The following GUCY1A2 variants were observed in gnomAD, a reference collection of about 807,000 sequenced individuals.
GUCY1A2 encodes the protein guanylate cyclase 1 soluble subunit alpha 2, also known as guanylate cyclase soluble subunit alpha-2.
GUCY1A2 carries 27 observed loss-of-function variants against 63.5 expected under a neutral mutation model. That is an observed-to-expected ratio of 0.43 (90% CI 0.31 to 0.59). The LOEUF is 0.59. Among genes scored for constraint, GUCY1A2 ranks in the 20% least tolerant of loss-of-function variants. The pLI is 0.11. For missense variants in GUCY1A2, 768 were observed against 913.3 expected (o/e 0.84, Z 2.05); for synonymous variants, 364 against 343.5 (o/e 1.06, Z -0.66).
At chr11:106,939,359 T>C in intron 4 of GUCY1A2, 101 bp downstream of exon 4, 1 of 691,708 alleles carries the variant, frequency 1.4e-6, no homozygotes, top group East Asian at 2.5e-5. Context: ...CACTTTAAGC[T>C]CTCTTGCCTA....
rs1335277987 is a variant in GUCY1A2 at position 106,939,561 on chromosome 11, G to A, written c.1105C>T (p.Pro369Ser). 6.2e-7 allele frequency: 1 copy of A among 1,613,692 alleles called. No individual in the cohort carries two copies. Among genetic ancestry groups the A allele is most frequent in the Admixed American group, 1.7e-5 (1 of 60,018 alleles). ...KFEDCFEIVS[P>S]KVNATFERVL... ...CTTTCAAAGGTGGCATTAACCTTTGGAGATACAATCTCGAAGCAGTCCTCA... is the reference window on the plus strand; with the variant it reads ...CTTTCAAAGGTGGCATTAACCTTTGAAGATACAATCTCGAAGCAGTCCTCA... Residue 369 changes from proline to serine, a missense_variant, in exon 4 of 8, where the codon CCA becomes TCA. Physicochemically the swap from Pro to Ser is moderately conservative, Grantham distance 74. Around this residue, in one of 3 missense-constraint regions of GUCY1A2, gnomAD observed 496 missense variants for 486.9 expected, o/e 1.02. Transcript: ENST00000526355.
At chr11:106,866,479 G>A (rs548647231) in intron 4 of GUCY1A2, among the ~76,000 whole-genome samples, 1 of 152,204 alleles carries the variant, frequency 6.6e-6, no homozygotes, top group East Asian at 1.9e-4. Flanking sequence ...GAGATTTGGA[G>A]AGAGAATGAA....
chr11:106,979,797 G>T (rs1861311167), intron 2 of GUCY1A2, among the ~76,000 whole-genome samples: 1 of 152,160 alleles, frequency 6.6e-6, no homozygotes, highest in African/African-American at 2.4e-5. Context: ...CAGGACTTAA[G>T]AGGAGACTAA....
chr11:106,787,596 A>AGGGGGAGG (rs1321102996), intron 5 of GUCY1A2, among the ~76,000 whole-genome samples: 1 of 141,908 alleles, frequency 7.0e-6, no homozygotes, highest in Non-Finnish European at 1.6e-5. Flanking sequence ...AAGGAAGGGA[A>AGGGGGAGG]GGGAAAAAGA....
At chr11:106,999,984 G>A (rs978309496) in intron 1 of GUCY1A2, among the ~76,000 whole-genome samples, 1 of 152,116 alleles carries the variant, frequency 6.6e-6, no homozygotes, top group Non-Finnish European at 1.5e-5. Flanking sequence ...GCTGAATAAG[G>A]AGATAAAGTG....
chr11:106,812,308 T>C (rs764682971), intron 4 of GUCY1A2, among the ~76,000 whole-genome samples: 5 of 151,846 alleles, frequency 3.3e-5, no homozygotes, highest in African/African-American at 4.8e-5. Context: ...CTCTCTCTCT[T>C]CACATTTCTT....
chr11:106,738,420 C>T (rs1863628404), intron 6 of GUCY1A2, among the ~76,000 whole-genome samples: 1 of 152,170 alleles, frequency 6.6e-6, no homozygotes, highest in Non-Finnish European at 1.5e-5. Context: ...TCAATTTTGG[C>T]TTTTGTTGCC....
Position 106,973,456 on chromosome 11 carries a change from A to C in GUCY1A2, c.487+5163T>G, listed in dbSNP as rs557591792. ...CTGAAATGATCCAAATTGCAACACA[A>C]CTGAACTTTCCTCAATACTGACAAG... On this transcript the variant is annotated intron_variant, in intron 3 of 7. Transcript: ENST00000526355. Among the ~76,000 whole-genome samples the C allele has an allele frequency of 1.1e-4, 16 of 152,236 alleles. No homozygotes were observed. The South Asian group carries it at 3.3e-3, about 32-fold the overall frequency.
chr11:106,869,306 T>C (rs752836377), intron 4 of GUCY1A2, among the ~76,000 whole-genome samples: 1 of 152,096 alleles, frequency 6.6e-6, no homozygotes, highest in Non-Finnish European at 1.5e-5. Flanking sequence ...GAAACTACCA[T>C]CAGAGTGAAC....
chr11:106,959,992 T>G, intron 3 of GUCY1A2, among the ~76,000 whole-genome samples: 1 of 152,126 alleles, frequency 6.6e-6, no homozygotes, highest in Non-Finnish European at 1.5e-5. Context: ...TGTTGGAGTC[T>G]GTTTCCTGGG....
At chr11:106,891,143 T>C (rs913925537) in intron 4 of GUCY1A2, among the ~76,000 whole-genome samples, 1 of 152,160 alleles carries the variant, frequency 6.6e-6, no homozygotes, top group African/African-American at 2.4e-5. Context: ...ATATTTAGTA[T>C]TGTCAGTCTT....
chr11:106,746,597 A>C, intron 6 of GUCY1A2: 1 of 1,597,204 alleles, frequency 6.3e-7, no homozygotes, highest in Non-Finnish European at 8.5e-7. Flanking sequence ...ATCTGGAACC[A>C]GCTGGATGGA....
At chr11:106,839,905 T>C (rs898161259) in intron 4 of GUCY1A2, among the ~76,000 whole-genome samples, 4 of 151,012 alleles carry the variant, frequency 2.6e-5, no homozygotes, top group African/African-American at 9.7e-5. Flanking sequence ...ATATACCTAG[T>C]GTAAATGACG....
chr11:106,993,245 T>C (rs937063357), intron 1 of GUCY1A2, among the ~76,000 whole-genome samples: 2 of 152,216 alleles, frequency 1.3e-5, no homozygotes, highest in Admixed American at 1.3e-4. Flanking sequence ...ACCTTCTCCA[T>C]AACATGAGAA....
At chr11:107,002,370 A>T (rs1245271782) in intron 1 of GUCY1A2, among the ~76,000 whole-genome samples, 1 of 147,930 alleles carries the variant, frequency 6.8e-6, no homozygotes, top group Non-Finnish European at 1.5e-5. Context: ...CATATCAGAC[A>T]TGGAGAGAAT....
At chr11:106,883,584 G>A (rs772792616) in intron 4 of GUCY1A2, among the ~76,000 whole-genome samples, 5 of 152,114 alleles carry the variant, frequency 3.3e-5, no homozygotes, top group Admixed American at 3.3e-4. Flanking sequence ...TTCAGGTAAG[G>A]CTTCTCTGAA....
rs774050165 is a variant in GUCY1A2, at chr11:106,684,549, T to A, written c.*3000A>T. On this transcript the variant is annotated 3_prime_UTR_variant, in exon 8 of 8. Transcript: ENST00000526355. ...ATTCTGATTTTGTTAGATAACTGAT[T>A]TATTTGCAAATGATGACATTCTCTC... 1 of 197,572 alleles carries A rather than the reference T, an allele frequency of 5.1e-6. No individual in the cohort carries two copies. The highest frequency in any genetic ancestry group is 1.0e-5 in the Non-Finnish European group (1 of 95,390). 12.2% of individuals were successfully genotyped at this position (197,572 alleles called of 1,614,324 possible).
At chr11:106,750,606 A>G (rs1863865730) in intron 6 of GUCY1A2, among the ~76,000 whole-genome samples, 1 of 152,112 alleles carries the variant, frequency 6.6e-6, no homozygotes, top group African/African-American at 2.4e-5. Flanking sequence ...ATACAAAATG[A>G]CACTACTATA....
At chr11:106,948,353 T>C (rs1208236150) in intron 3 of GUCY1A2, among the ~76,000 whole-genome samples, 1 of 152,114 alleles carries the variant, frequency 6.6e-6, no homozygotes, top group Non-Finnish European at 1.5e-5. Flanking sequence ...CCAAGTAGGA[T>C]TTATATCAGA....
Sources: allele counts gnomAD v4.1 joint callset (sites outside exome capture counted in the v4.1 genomes callset), GRCh38; gene constraint gnomAD v4.1.1; regional missense constraint gnomAD v4.1.1; transcripts MANE v1.5; gene names NCBI Gene and HGNC (gene_info 2026-07-23, HGNC 2026-07-21).